PPFIA2: variants seen among roughly 807,000 people sequenced by gnomAD.
The protein encoded by PPFIA2 is PPFI scaffold protein A2, also known as liprin-alpha-2.
A neutral mutation model predicts 175.5 loss-of-function variants in PPFIA2; 46 were observed. That is an observed-to-expected ratio of 0.26 (90% CI 0.21 to 0.34). The LOEUF is 0.34. Ranked by LOEUF, PPFIA2 falls within the 10% of genes least tolerant of loss-of-function variation. PPFIA2 has a pLI of 1.00. For synonymous variants in PPFIA2, 568 were observed against 511.4 expected (o/e 1.11, Z -1.49); for missense variants, 1,179 against 1,506.1 (o/e 0.78, Z 3.60).
intron 22 of PPFIA2, among the ~76,000 whole-genome samples, chr12:81,306,989 A>G (rs1004723567): frequency 8.5e-5 from 13 of 152,202 alleles, no homozygotes; most frequent in Non-Finnish European, 1.3e-4. Flanking sequence ...CCTTCTAACC[A>G]GAATTGAAAA....
intron 4 of PPFIA2, among the ~76,000 whole-genome samples, chr12:81,460,735 A>T (rs2054382156): frequency 6.6e-6 from 1 of 152,114 alleles, no homozygotes; most frequent in South Asian, 2.1e-4. Flanking sequence ...AACAGCAAAT[A>T]GGGTTAACAT....
chr12:81,739,594 CAATT>C (rs1420674299), intron 3 of PPFIA2, among the ~76,000 whole-genome samples: 1 of 151,864 alleles, frequency 6.6e-6, no homozygotes, highest in African/African-American at 2.4e-5. Context: ...AAAACTTGGT[CAATT>C]AATCTATTAT....
rs1217719764 is a variant in PPFIA2, at chr12:81,457,745, A to C, written c.405+20T>G. On this transcript the variant is annotated intron_variant, in intron 5 of 32. Transcript: ENST00000549396. ...GAACTACAAATAGAATTAATTCCAA[A>C]AAGGCTGCTTTACACTTACTCTTGT... is the stretch of plus-strand genomic sequence containing the variant. 6.7e-7 allele frequency: 1 copy of C among 1,489,632 alleles called. No homozygotes were observed. The highest frequency in any genetic ancestry group is 9.2e-7 in the Non-Finnish European group (1 of 1,089,066). 92.3% of individuals were successfully genotyped at this position (1,489,632 alleles called of 1,614,324 possible). A position where few individuals can be genotyped will look rare whatever the true frequency, so the allele number is the denominator to read the frequency against.
At chr12:81,613,667 G>C (rs1023397957) in intron 4 of PPFIA2, among the ~76,000 whole-genome samples, 1 of 152,090 alleles carries the variant, frequency 6.6e-6, no homozygotes, top group Non-Finnish European at 1.5e-5. Context: ...CACAGTTTAA[G>C]AGATAATAAG....
chr12:81,382,614 G>A lies in PPFIA2; in HGVS notation c.984+1409C>T, dbSNP rs558289921. 3.3e-4 allele frequency among the ~76,000 whole-genome samples: 51 copies of A among 152,276 alleles called. No individual in the cohort carries two copies. The East Asian group carries it at 3.5e-3, about 10-fold the overall frequency. ...TAACAGGATTTACTGCTGAATCAAA[G>A]CAAGTGTGTGAGGGGAGAGATCTTA... is the stretch of plus-strand genomic sequence containing the variant. On this transcript the variant is annotated intron_variant, in intron 9 of 32. Transcript: ENST00000549396.
intron 3 of PPFIA2, among the ~76,000 whole-genome samples, chr12:81,734,028 A>G (rs1333473253): frequency 6.6e-6 from 1 of 151,814 alleles, no homozygotes; most frequent in Non-Finnish European, 1.5e-5. Context: ...GAAAATGTGT[A>G]AGACCAATGA....
At chr12:81,651,414 A>T (rs1246270232) in intron 4 of PPFIA2, among the ~76,000 whole-genome samples, 2 of 152,136 alleles carry the variant, frequency 1.3e-5, no homozygotes, top group Non-Finnish European at 2.9e-5. Context: ...TTTTCAAAAA[A>T]ATTTGAGTAA....
At chr12:81,319,070 C>T (rs979352128) in intron 22 of PPFIA2, among the ~76,000 whole-genome samples, 1 of 151,508 alleles carries the variant, frequency 6.6e-6, no homozygotes, top group Non-Finnish European at 1.5e-5. Context: ...TTTTCATATA[C>T]TAATTTTTAT....
At chr12:81,628,334 G>A (rs2153492158) in intron 4 of PPFIA2, among the ~76,000 whole-genome samples, 1 of 149,524 alleles carries the variant, frequency 6.7e-6, no homozygotes, top group Non-Finnish European at 1.5e-5. Flanking sequence ...AGAAGTTTGA[G>A]CCACATGATC....
intron 21 of PPFIA2, among the ~76,000 whole-genome samples, chr12:81,330,402 C>A (rs1057237041): frequency 6.6e-6 from 1 of 152,144 alleles, no homozygotes; most frequent in African/African-American, 2.4e-5. Flanking sequence ...CTTTAAAAAT[C>A]TTTGTCTTCC....
At chr12:81,445,018 T>C (rs533125115) in intron 6 of PPFIA2, among the ~76,000 whole-genome samples, 1 of 152,196 alleles carries the variant, frequency 6.6e-6, no homozygotes, top group African/African-American at 2.4e-5. Context: ...TTTCTACTAA[T>C]ACTTTGTGAT....
At chr12:81,704,005 C>T (rs899118031) in intron 3 of PPFIA2, among the ~76,000 whole-genome samples, 3 of 151,976 alleles carry the variant, frequency 2.0e-5, no homozygotes, top group Admixed American at 2.0e-4. Flanking sequence ...TATTTTATAC[C>T]TATTTGTTGT....
intron 16 of PPFIA2, among the ~76,000 whole-genome samples, chr12:81,354,540 C>T (rs1308333970): frequency 1.3e-5 from 2 of 152,126 alleles, no homozygotes; most frequent in Admixed American, 6.6e-5. Flanking sequence ...TTCTAGTTCT[C>T]TTGTTATTTT....
At chr12:81,353,392 A>G in intron 16 of PPFIA2, 53 bp from the exon 17 acceptor site, 1 of 1,323,242 alleles carries the variant, frequency 7.6e-7, no homozygotes. Flanking sequence ...TCATTTTCAA[A>G]GCATTAATCT....
intron 5 of PPFIA2, among the ~76,000 whole-genome samples, chr12:81,452,452 C>T (rs963960856): frequency 6.6e-6 from 1 of 152,130 alleles, no homozygotes; most frequent in African/African-American, 2.4e-5. Flanking sequence ...ATCTTTTACC[C>T]TCAAATATCG....
chr12:81,496,031 A>G (rs2059988550), intron 4 of PPFIA2, among the ~76,000 whole-genome samples: 1 of 152,202 alleles, frequency 6.6e-6, no homozygotes, highest in African/African-American at 2.4e-5. Flanking sequence ...ATTGAGAACT[A>G]CTTCACAGAT....
In PPFIA2 at chr12:81,258,371, G is replaced by T. The variant is rs2034412382; in HGVS notation, c.*1323C>A. On this transcript the variant is annotated 3_prime_UTR_variant, in exon 33 of 33. Coordinates refer to ENST00000549396, the MANE Select transcript of PPFIA2 (RefSeq NM_003625.5). Reference sequence around the variant, plus strand: ...AGACATCAAAACAAATGTAATGTACGTGCAAACATAGCAAATTAAAATACA... The same window carrying T: ...AGACATCAAAACAAATGTAATGTACTTGCAAACATAGCAAATTAAAATACA... 1 of 152,158 alleles carries T rather than the reference G, an allele frequency of 6.6e-6. No individual in the cohort carries two copies. Among genetic ancestry groups the T allele is most frequent in the East Asian group, 1.9e-4 (1 of 5,178 alleles). The allele number at this position is 152,158 out of a possible 1,614,324, so 9.4% of individuals were successfully genotyped here. A position where few individuals can be genotyped will look rare whatever the true frequency, so the allele number is the denominator to read the frequency against.
At chr12:81,669,542 G>C (rs1442750514) in intron 4 of PPFIA2, among the ~76,000 whole-genome samples, 5 of 151,790 alleles carry the variant, frequency 3.3e-5, no homozygotes, top group Non-Finnish European at 4.4e-5. Flanking sequence ...CATCCTATAG[G>C]ATCAGAAAAA....
At chr12:81,704,299 A>ATTTTTGGATG in intron 3 of PPFIA2, among the ~76,000 whole-genome samples, 1 of 152,304 alleles carries the variant, frequency 6.6e-6, no homozygotes, top group East Asian at 1.9e-4. Flanking sequence ...TAGCTCAATT[A>ATTTTTGGATG]ACAAGTATTT....
Sources: allele counts gnomAD v4.1 joint callset (sites outside exome capture counted in the v4.1 genomes callset), GRCh38; gene constraint gnomAD v4.1.1; transcripts MANE v1.5; gene names NCBI Gene and HGNC (gene_info 2026-07-23, HGNC 2026-07-21).